DCDC1: variants seen among roughly 807,000 people sequenced by gnomAD.
DCDC1 encodes the protein doublecortin domain-containing protein 1.
Under a neutral mutation model 178.3 loss-of-function variants are expected in DCDC1, and 200 were observed. That is an observed-to-expected ratio of 1.12 (90% CI 1.00 to 1.26). The LOEUF (loss-of-function observed/expected upper bound fraction) is 1.26, where lower values mean the gene tolerates loss of function less well. Among genes scored for constraint, DCDC1 ranks in the 50% most tolerant of loss-of-function variants. DCDC1 has a pLI of 0.00. For missense variants in DCDC1, 1,983 were observed against 1,749.2 expected (o/e 1.13, Z -2.38); for synonymous variants, 690 against 604.8 (o/e 1.14, Z -2.07).
At chr11:31,187,164 C>T (rs1218661242) in intron 9 of DCDC1, among the ~76,000 whole-genome samples, 1 of 152,194 alleles carries the variant, frequency 6.6e-6, no homozygotes, top group Non-Finnish European at 1.5e-5. Context: ...TTGTCTTGTT[C>T]ACTAGGGCTG....
chr11:31,155,509 C>T (rs942882190), intron 9 of DCDC1, among the ~76,000 whole-genome samples: 2 of 152,194 alleles, frequency 1.3e-5, no homozygotes, highest in African/African-American at 4.8e-5. Flanking sequence ...TTTTATGTCA[C>T]ATGTACAGAA....
chr11:30,953,897 TAAGAATGTAAG>T (rs1948589427), intron 20 of DCDC1, among the ~76,000 whole-genome samples: 1 of 149,766 alleles, frequency 6.7e-6, no homozygotes, highest in Non-Finnish European at 1.5e-5. Flanking sequence ...TCTAGATGAA[TAAGAATGTAAG>T]ACAAACCAAA....
intron 20 of DCDC1, among the ~76,000 whole-genome samples, chr11:30,984,952 T>C (rs1950568710): frequency 6.6e-6 from 1 of 152,146 alleles, no homozygotes; most frequent in Non-Finnish European, 1.5e-5. Context: ...TCCAGGGCGG[T>C]TGGTGAGTTC....
intron 20 of DCDC1, among the ~76,000 whole-genome samples, chr11:31,002,781 T>G (rs1951644151): frequency 6.6e-6 from 1 of 152,170 alleles, no homozygotes; most frequent in Admixed American, 6.5e-5. Context: ...GGGAGCATAT[T>G]TGTGACCAAA....
chr11:30,978,779 AACACACACACACACACACACACAC>A (rs56058117), intron 20 of DCDC1, among the ~76,000 whole-genome samples: 56 of 118,860 alleles, frequency 4.7e-4, no homozygotes, highest in Non-Finnish European at 5.0e-4. Flanking sequence ...GTCCCCCCTC[AACACACACACACACACACACACAC>A]ACACACACAC....
intron 20 of DCDC1, among the ~76,000 whole-genome samples, chr11:31,036,829 G>A (rs1411378448): frequency 2.6e-5 from 4 of 151,744 alleles, no homozygotes; most frequent in Admixed American, 6.6e-5. Context: ...TTTTCTTTTA[G>A]CAGAACTCTG....
intron 12 of DCDC1, among the ~76,000 whole-genome samples, chr11:31,109,000 C>T (rs1959029122): frequency 6.6e-6 from 1 of 152,138 alleles, no homozygotes; most frequent in Non-Finnish European, 1.5e-5. Flanking sequence ...TCCCAAAGAA[C>T]TTTATAATGC....
At chr11:30,869,472 G>A (rs896361022) in intron 38 of DCDC1, among the ~76,000 whole-genome samples, 4 of 152,262 alleles carry the variant, frequency 2.6e-5, no homozygotes, top group East Asian at 1.9e-4. Flanking sequence ...ATTCATGAAC[G>A]CCTGCTATGT....
chr11:31,197,185 T>G (rs1214685358), intron 9 of DCDC1, among the ~76,000 whole-genome samples: 1 of 152,026 alleles, frequency 6.6e-6, no homozygotes, highest in Non-Finnish European at 1.5e-5. Context: ...TCTAAGTATT[T>G]CAAAAATATC....
At chr11:31,246,834 T>C (rs1289058846) in intron 8 of DCDC1, among the ~76,000 whole-genome samples, 1 of 152,106 alleles carries the variant, frequency 6.6e-6, no homozygotes, top group Non-Finnish European at 1.5e-5. Context: ...TCAAATCTTA[T>C]TGTCCCTAAG....
At chr11:30,925,026 C>T (rs1355742687) in intron 23 of DCDC1, among the ~76,000 whole-genome samples, 2 of 151,390 alleles carry the variant, frequency 1.3e-5, no homozygotes, top group African/African-American at 4.9e-5. Flanking sequence ...TGAGCCAAGA[C>T]TGCGCCACTG....
At chr11:30,978,050 C>T (rs1329195988) in intron 20 of DCDC1, among the ~76,000 whole-genome samples, 1 of 152,196 alleles carries the variant, frequency 6.6e-6, no homozygotes, top group African/African-American at 2.4e-5. Context: ...AATTCTTTTT[C>T]TGTACAACAA....
At chr11:31,260,016 T>C (rs954182929) in intron 8 of DCDC1, among the ~76,000 whole-genome samples, 1 of 152,132 alleles carries the variant, frequency 6.6e-6, no homozygotes, top group Non-Finnish European at 1.5e-5. Context: ...TTTTGTTTGC[T>C]TGGAAACAAG....
chr11:31,087,302 C>CA (rs35356668), intron 17 of DCDC1, among the ~76,000 whole-genome samples: 2 of 151,760 alleles, frequency 1.3e-5, no homozygotes, highest in East Asian at 1.9e-4. Flanking sequence ...TTAATCTTTT[C>CA]AAAAAAATCC....
At chr11:30,907,063 T>C (rs1590315666) in intron 29 of DCDC1, among the ~76,000 whole-genome samples, 1 of 152,272 alleles carries the variant, frequency 6.6e-6, no homozygotes, top group East Asian at 1.9e-4. Flanking sequence ...GCCATCATCA[T>C]GTCCAAAAGA....
In DCDC1 at chr11:31,265,556, G is replaced by A; in HGVS notation, c.1005C>T (p.Ala335=). The A allele has an allele frequency of 6.9e-7, 1 of 1,440,068 alleles. No homozygotes were observed. Among genetic ancestry groups the A allele is most frequent in the Non-Finnish European group, 9.2e-7 (1 of 1,091,750 alleles). 89.2% of individuals were successfully genotyped at this position (1,440,068 alleles called of 1,614,324 possible). Residue 335 remains alanine (A), a synonymous_variant, in exon 8 of 39, where the codon GCC becomes GCT. Transcript: ENST00000684477. ...TGCCATACAAATCATAAAAATATCTGGCTGGTAAATTTAGATTCATTCTTA... is the reference window on the plus strand; with the variant it reads ...TGCCATACAAATCATAAAAATATCTAGCTGGTAAATTTAGATTCATTCTTA... ...CTIRMNLNLP[A]RYFYDLYGRK...
chr11:31,347,480 C>A (rs922695798), intron 1 of DCDC1, among the ~76,000 whole-genome samples: 4 of 152,098 alleles, frequency 2.6e-5, no homozygotes, highest in Non-Finnish European at 4.4e-5. Flanking sequence ...CATTACCAGG[C>A]ACACTAAATC....
At chr11:31,212,775 A>G (rs561087669) in intron 9 of DCDC1, among the ~76,000 whole-genome samples, 4 of 152,314 alleles carry the variant, frequency 2.6e-5, no homozygotes, top group East Asian at 1.9e-4. Flanking sequence ...TTTTTTCAGT[A>G]ATTCTAATTT....
chr11:31,341,217 G>C (rs1371600018), intron 1 of DCDC1, among the ~76,000 whole-genome samples: 1 of 152,108 alleles, frequency 6.6e-6, no homozygotes, highest in Non-Finnish European at 1.5e-5. Context: ...AAGTTCTCCA[G>C]AAACTTCTTT....
Sources: allele counts gnomAD v4.1 joint callset (sites outside exome capture counted in the v4.1 genomes callset), GRCh38; gene constraint gnomAD v4.1.1; transcripts MANE v1.5; gene names NCBI Gene and HGNC (gene_info 2026-07-23, HGNC 2026-07-21).